Variants in ADAP1 observed in about 807,000 individuals in gnomAD.
ADAP1 encodes arf-GAP with dual PH domain-containing protein 1.
A neutral mutation model predicts 54.9 loss-of-function variants in ADAP1; 31 were observed. The ratio of observed to expected loss-of-function variants is 0.56; its 90% CI spans 0.42 to 0.76. The LOEUF (loss-of-function observed/expected upper bound fraction) is 0.76. ADAP1 is among the 30% of genes least tolerant of loss of function. The pLI is 0.00. For missense variants in ADAP1, 535 were observed against 512.4 expected, an observed-to-expected ratio of 1.04 and a Z score of -0.42; for synonymous variants, 313 against 202.6, an observed-to-expected ratio of 1.55 and a Z score of -4.63.
In ADAP1 at chr7:900,574, G is replaced by A. The variant is rs1363801683; in HGVS notation, c.691C>T (p.His231Tyr). ...CCTGGGAATGCCACCTGCAGGTAGT[G>A]GAAGCGAGCAGCTCGGAGTGCATTG... is the stretch of plus-strand genomic sequence containing the variant. ...WFNALRAARFHYLQVAFPGAG... is the reference protein window; with the variant it reads ...WFNALRAARFYYLQVAFPGAG... Residue 231 changes from histidine (H) to tyrosine (Y), a missense_variant, in exon 7 of 11, where the codon CAC becomes TAC. Transcript: ENST00000265846. The A allele has an allele frequency of 1.9e-6, 3 of 1,611,400 alleles. No homozygotes were observed. Among genetic ancestry groups the A allele is most frequent in the Non-Finnish European group, 2.5e-6 (3 of 1,179,426 alleles).
rs563296426 is a variant in ADAP1, at chr7:910,816, G to A, written c.389-5644C>T. On this transcript the variant is annotated intron_variant, in intron 4 of 10. Transcript: ENST00000265846. ...ATGGGTGGCCTCTGAGAACGGGGCC[G>A]AGGCCCTGATCACTGCACCCCGGCC... 5.5e-4 allele frequency among the ~76,000 whole-genome samples: 84 copies of A among 152,226 alleles called. No individual in the cohort carries two copies. The South Asian group carries it at 9.1e-3, about 17-fold the overall frequency.
intron 4 of ADAP1, among the ~76,000 whole-genome samples, chr7:905,837 AGGG>A (rs1845236558): frequency 4.0e-5 from 2 of 49,770 alleles, no homozygotes; most frequent in African/African-American, 5.8e-5. Flanking sequence ...AGAAGGGAGA[AGGG>A]AGAAGGGAGA....
chr7:899,483 T>G lies in ADAP1; in HGVS notation c.803A>C (p.Glu268Ala), dbSNP rs750990628. 4 of 1,612,804 alleles carry G rather than the reference T, an allele frequency of 2.5e-6. No homozygotes were observed. Among genetic ancestry groups the G allele is most frequent in the African/African-American group, 1.3e-5 (1 of 74,916 alleles). Residue 268 changes from glutamate to alanine, a missense_variant, in exon 9 of 11, where the codon GAA becomes GCA. By Grantham distance (107) the Glu-to-Ala change is moderately radical. Coordinates refer to ENST00000265846, the MANE Select transcript of ADAP1 (RefSeq NM_006869.4). ...YMEKTGPKQT[E>A]GFRKRWFTMD... ...GGTGAACCAGCGCTTCCGGAAGCCTTCCGTTTGCTGTGGGTCAGAGAGGGC... is the reference window on the plus strand; with the variant it reads ...GGTGAACCAGCGCTTCCGGAAGCCTGCCGTTTGCTGTGGGTCAGAGAGGGC...
At position 920,815 on chromosome 7, in the gene ADAP1, C is replaced by A. The variant is rs750828669; in HGVS notation, c.306-765G>T. On this transcript the variant is annotated intron_variant, in intron 3 of 10. Transcript: ENST00000265846. This position sits in a 1 kb window ranked among gnomAD's most constrained non-coding sequence, Gnocchi z 4.5. ...GAAGCCAATACCATTGCAGAAACCA[C>A]GACCCACACACAGGCCCGGCACGGC... 43 of 1,550,104 alleles carry A rather than the reference C, an allele frequency of 2.8e-5. No homozygotes were observed. Among genetic ancestry groups the A allele is most frequent in the Non-Finnish European group, 3.6e-5 (41 of 1,146,890 alleles).
At chr7:939,411 G>T (rs1344278181) in intron 1 of ADAP1, among the ~76,000 whole-genome samples, 1 of 151,866 alleles carries the variant, frequency 6.6e-6, no homozygotes, top group Non-Finnish European at 1.5e-5. Context: ...TAGAGATGTG[G>T]TTTCACCATG....
chr7:948,692 T>G (rs1403453012), intron 1 of ADAP1, among the ~76,000 whole-genome samples: 1 of 151,980 alleles, frequency 6.6e-6, no homozygotes, highest in African/African-American at 2.4e-5. Flanking sequence ...GCATCCAAGA[T>G]TCTATGTCCT....
rs1231124186 is a variant in ADAP1 at position 946,457 on chromosome 7, G to A, written c.82+7939C>T. 2.0e-5 allele frequency among the ~76,000 whole-genome samples: 3 copies of A among 152,102 alleles called. No homozygotes were observed. The highest frequency in any genetic ancestry group is 6.5e-5 in the Admixed American group (1 of 15,282). The stretch of plus-strand genomic sequence containing the variant: ...GACCCAGATCCGCTGGCCCCTACCC[G>A]GTTCAGGGACACGTGCCCCTCTCCT... On this transcript the variant is annotated intron_variant, in intron 1 of 10. Coordinates refer to ENST00000265846, the MANE Select transcript of ADAP1 (RefSeq NM_006869.4). The surrounding 1 kb of genome is among the most constrained non-coding windows in gnomAD (Gnocchi z 4.3).
At chr7:907,145 C>A (rs530564788) in intron 4 of ADAP1, among the ~76,000 whole-genome samples, 7 of 152,266 alleles carry the variant, frequency 4.6e-5, no homozygotes, top group Admixed American at 1.3e-4. Context: ...CCAGCTCAAG[C>A]CCTCATCTCC....
intron 8 of ADAP1, 151 bp from the exon 9 acceptor site, chr7:899,641 GCCT>G: frequency 2.4e-6 from 2 of 837,238 alleles, no homozygotes; most frequent in Non-Finnish European, 3.7e-6. Context: ...GCCCCACGAG[GCCT>G]CCGCACACGC....
In ADAP1 at chr7:910,871, C is replaced by T. The variant is rs140672812; in HGVS notation, c.389-5699G>A. 5.4e-3 allele frequency among the ~76,000 whole-genome samples: 821 copies of T among 152,254 alleles called. 3 individuals carry two copies. Among genetic ancestry groups the T allele is most frequent in the Middle Eastern group, 0.014 (4 of 294 alleles). ...CTGTGAAGGGCCTGGACCTGGCTTC[C>T]GGCCTTTGGGTCCTAGTGGCTCCTG... is the stretch of plus-strand genomic sequence containing the variant. On this transcript the variant is annotated intron_variant, in intron 4 of 10. Coordinates refer to ENST00000265846, the MANE Select transcript of ADAP1 (RefSeq NM_006869.4).
At chr7:918,961 GCCA>G (rs1395267907) in intron 4 of ADAP1, among the ~76,000 whole-genome samples, 1 of 142,634 alleles carries the variant, frequency 7.0e-6, no homozygotes, top group African/African-American at 2.7e-5. Flanking sequence ...GGGGGGCACA[GCCA>G]GAGGCTTGGC....
At chr7:950,914 C>CG (rs1847253151) in intron 1 of ADAP1, among the ~76,000 whole-genome samples, 1 of 149,822 alleles carries the variant, frequency 6.7e-6, no homozygotes, top group Non-Finnish European at 1.5e-5. Context: ...GTGGGTGCCC[C>CG]GGACTGGGGA....
At chr7:944,787 G>A (rs1414169966) in intron 1 of ADAP1, among the ~76,000 whole-genome samples, 6 of 152,068 alleles carry the variant, frequency 3.9e-5, no homozygotes, top group Non-Finnish European at 4.4e-5. Context: ...TCGTCACCCT[G>A]TTGTGATATC....
At chr7:947,345 C>A (rs181849993) in intron 1 of ADAP1, among the ~76,000 whole-genome samples, 2 of 151,880 alleles carry the variant, frequency 1.3e-5, no homozygotes, top group Admixed American at 6.6e-5. Flanking sequence ...GTGTGAGCCA[C>A]CGCGCCTGAC....
At chr7:951,833 A>C (rs1433970876) in intron 1 of ADAP1, among the ~76,000 whole-genome samples, 7 of 152,132 alleles carry the variant, frequency 4.6e-5, no homozygotes, top group Non-Finnish European at 1.0e-4. Flanking sequence ...TTTTTTTGAG[A>C]CAGGGTCTCA....
intron 6 of ADAP1, among the ~76,000 whole-genome samples, chr7:903,754 A>G (rs1189342716): frequency 6.6e-6 from 1 of 152,008 alleles, no homozygotes; most frequent in Non-Finnish European, 1.5e-5. Flanking sequence ...GTAGGACCCC[A>G]GTTCCCCCCG....
intron 3 of ADAP1, among the ~76,000 whole-genome samples, chr7:922,788 C>T (rs892239508): frequency 6.6e-6 from 1 of 151,838 alleles, no homozygotes; most frequent in Non-Finnish European, 1.5e-5. Flanking sequence ...GAAAATAGCC[C>T]GGGTGGTGTT....
At chr7:900,703 C>CTGGGGT (rs200364672) in intron 6 of ADAP1, 87 bp from the exon 7 acceptor site, 268 of 1,174,780 alleles carry the variant, frequency 2.3e-4, no homozygotes, top group Middle Eastern at 8.2e-4. Context: ...CACAGAGGGG[C>CTGGGGT]CGCTTCCCCC....
rs776004529 is a variant in ADAP1 at position 900,902 on chromosome 7, C to CCGGG, written c.649-287_649-286insCCCG. The CCGGG allele has an allele frequency of 7.1e-4, 413 of 581,632 alleles. 3 individuals are homozygous for CCGGG. Among genetic ancestry groups the CCGGG allele is most frequent in the African/African-American group, 7.0e-3 (373 of 53,290 alleles). 36.0% of individuals were successfully genotyped at this position (581,632 alleles called of 1,614,324 possible). On this transcript the variant is annotated intron_variant, in intron 6 of 10. Transcript: ENST00000265846. ...GGCCGAAGGGCCGGGCCGGGCCGGG[C>CCGGG]TGGACAGGGTCGGGGGCTGCCATCC...
Sources: gnomAD v4.1 joint callset for allele counts (sites outside exome capture counted in the v4.1 genomes callset) on GRCh38, gnomAD v4.1.1 for gene constraint, Gnocchi (gnomAD v3.1) non-coding constraint, MANE v1.5 for transcripts, NCBI Gene and HGNC (gene_info 2026-07-23, HGNC 2026-07-21) for gene names.